Variants in EXOC2 observed in about 807,000 individuals in gnomAD.
The protein encoded by EXOC2 is exocyst complex component 2, also known as SEC5-like 1.
In EXOC2, 70 loss-of-function variants were observed where a neutral mutation model predicts 131.8. The observed-to-expected ratio is 0.53, with a 90% CI of 0.44 to 0.65. The LOEUF is 0.65. Among genes scored for constraint, EXOC2 ranks in the 30% least tolerant of loss-of-function variants. EXOC2 has a pLI of 0.00. For missense variants in EXOC2, 923 were observed against 1,108.6 expected (o/e 0.83, Z 2.38); for synonymous variants, 411 against 398.4 (o/e 1.03, Z -0.38).
intron 1 of EXOC2, among the ~76,000 whole-genome samples, chr6:651,600 C>T (rs1762833220): frequency 6.6e-6 from 1 of 151,476 alleles, no homozygotes; most frequent in Non-Finnish European, 1.5e-5. Context: ...TTAGGGTAAG[C>T]CAAGATTGTG....
At chr6:552,878 A>C (rs578195064) in intron 21 of EXOC2, among the ~76,000 whole-genome samples, 89 of 150,418 alleles carry the variant, frequency 5.9e-4, no homozygotes, top group Middle Eastern at 3.4e-3. Flanking sequence ...ACACACACAC[A>C]CCCCCCCTTC....
chr6:611,373 C>T (rs569017889), intron 6 of EXOC2, among the ~76,000 whole-genome samples: 5 of 152,348 alleles, frequency 3.3e-5, no homozygotes, highest in African/African-American at 1.2e-4. Flanking sequence ...ACAGACACTG[C>T]GCTGAGATGT....
At chr6:516,987 G>A (rs1246433989) in intron 23 of EXOC2, among the ~76,000 whole-genome samples, 1 of 152,136 alleles carries the variant, frequency 6.6e-6, no homozygotes, top group African/African-American at 2.4e-5. Context: ...GGTCCAGCTG[G>A]CAATGACCTG....
intron 1 of EXOC2, chr6:656,132 A>G (rs1763066047): frequency 1.9e-6 from 3 of 1,612,038 alleles, no homozygotes; most frequent in Non-Finnish European, 2.5e-6. Context: ...TGAAATACTG[A>G]AGAGAGACAT....
At chr6:632,895 C>A in intron 3 of EXOC2, 46 bp downstream of exon 3, 1 of 1,547,712 alleles carries the variant, frequency 6.5e-7, no homozygotes, top group South Asian at 1.2e-5. Flanking sequence ...AAAAGACAAA[C>A]TCATTTTTAC....
chr6:587,376 C>T (rs1759268125), intron 11 of EXOC2, among the ~76,000 whole-genome samples: 3 of 152,084 alleles, frequency 2.0e-5, no homozygotes, highest in Admixed American at 2.0e-4. Context: ...TCCCAAGTAG[C>T]TGGGACTACA....
intron 10 of EXOC2, among the ~76,000 whole-genome samples, chr6:596,240 T>C (rs1484068942): frequency 1.3e-5 from 2 of 151,830 alleles, no homozygotes; most frequent in East Asian, 3.9e-4. Context: ...GCAATACTAG[T>C]GTGCTGCCAA....
chr6:657,147 C>G, intron 1 of EXOC2: 1 of 416,910 alleles, frequency 2.4e-6, no homozygotes, highest in Non-Finnish European at 4.2e-6. Context: ...AAGGGCCTCC[C>G]AACGCCCGTT....
chr6:540,146 G>A (rs1766722355), intron 22 of EXOC2, among the ~76,000 whole-genome samples: 1 of 152,140 alleles, frequency 6.6e-6, no homozygotes, highest in African/African-American at 2.4e-5. Context: ...GTAGAGATGG[G>A]GTTTCACCAT....
chr6:602,802 T>C (rs1175636463), intron 7 of EXOC2, among the ~76,000 whole-genome samples: 4 of 152,152 alleles, frequency 2.6e-5, no homozygotes, highest in Admixed American at 2.6e-4. Context: ...GCCACCAGTG[T>C]AGTCGGGTCT....
intron 23 of EXOC2, among the ~76,000 whole-genome samples, chr6:521,120 A>C (rs2493023): frequency 0.11 from 5,509 of 49,398 alleles, 1 homozygote; most frequent in African/African-American, 0.25. Context: ...ACATGAAAAC[A>C]ACCACCCACC....
chr6:546,899 C>T (rs191137245), intron 22 of EXOC2, among the ~76,000 whole-genome samples: 1 of 152,322 alleles, frequency 6.6e-6, no homozygotes, highest in African/African-American at 2.4e-5. Context: ...GGTTGGCACC[C>T]CAACCTCTGA....
At chr6:522,669 G>A (rs530439190) in intron 23 of EXOC2, among the ~76,000 whole-genome samples, 2 of 151,326 alleles carry the variant, frequency 1.3e-5, no homozygotes, top group African/African-American at 4.9e-5. Flanking sequence ...CATGCGGACT[G>A]CAGGACAGCG....
chr6:643,829 C>T (rs977368236), intron 1 of EXOC2, among the ~76,000 whole-genome samples: 1 of 151,932 alleles, frequency 6.6e-6, no homozygotes, highest in African/African-American at 2.4e-5. Context: ...CAAAAATTAT[C>T]AATTTCAGTA....
chr6:685,881 T>A (rs535044050), intron 1 of EXOC2, among the ~76,000 whole-genome samples: 4,831 of 147,464 alleles, frequency 0.033, 199 homozygotes, highest in African/African-American at 0.062. Flanking sequence ...TTTTTTTTTT[T>A]TTTTTTTTTT....
At chr6:530,098 G>A (rs1765990599) in intron 23 of EXOC2, among the ~76,000 whole-genome samples, 1 of 152,166 alleles carries the variant, frequency 6.6e-6, no homozygotes, top group African/African-American at 2.4e-5. Flanking sequence ...AAGAAAATGA[G>A]CACTCTCACT....
chr6:528,242 T>A (rs1440098150), intron 23 of EXOC2, among the ~76,000 whole-genome samples: 1 of 152,144 alleles, frequency 6.6e-6, no homozygotes, highest in Non-Finnish European at 1.5e-5. Flanking sequence ...ACATACAGTA[T>A]CGGAAACTAA....
At chr6:509,610 C>T (rs1764738584) in intron 23 of EXOC2, among the ~76,000 whole-genome samples, 1 of 152,102 alleles carries the variant, frequency 6.6e-6, no homozygotes, top group Admixed American at 6.5e-5. Context: ...CTAGAAGTGA[C>T]ACAAGATTTA....
intron 22 of EXOC2, among the ~76,000 whole-genome samples, chr6:540,337 A>G (rs1766736959): frequency 6.6e-6 from 1 of 152,234 alleles, no homozygotes; most frequent in African/African-American, 2.4e-5. Context: ...TCAATAGGAT[A>G]ATCTTATCCT....
Sources: gnomAD v4.1 joint callset for allele counts (sites outside exome capture counted in the v4.1 genomes callset) on GRCh38, gnomAD v4.1.1 for gene constraint, MANE v1.5 for transcripts, NCBI Gene and HGNC (gene_info 2026-07-23, HGNC 2026-07-21) for gene names.